IL1RAPL1: variants seen among roughly 807,000 people sequenced by gnomAD.
IL1RAPL1 encodes interleukin-1 receptor accessory protein-like 1.
Under a neutral mutation model 48.4 loss-of-function variants are expected in IL1RAPL1, and 3 were observed. That is an observed-to-expected ratio of 0.06 (90% confidence interval 0.03 to 0.16). The LOEUF is 0.16. Ranked by LOEUF, IL1RAPL1 falls within the 10% of genes least tolerant of loss-of-function variation. IL1RAPL1 has a pLI of 1.00. For missense variants in IL1RAPL1, 349 were observed against 530.6 expected, an observed-to-expected ratio of 0.66 and a Z score of 3.36; for synonymous variants, 185 against 187.7, an observed-to-expected ratio of 0.99 and a Z score of 0.12.
Position 29,306,987 on chromosome X carries a change from C to T in IL1RAPL1, c.362+23770C>T, listed in dbSNP as rs1221995688. 2.7e-5 allele frequency among the ~76,000 whole-genome samples: 3 copies of T among 109,211 alleles called. No individual in the cohort carries two copies. In the East Asian group the frequency reaches 8.6e-4, roughly 31 times the overall value. The allele number at this position is 109,211 out of a possible 115,157, so 94.8% of individuals were successfully genotyped here. A position where few individuals can be genotyped will look rare whatever the true frequency, so the allele number is the denominator to read the frequency against. ...AGATAATATTTAAACTGTGTTAAAA[C>T]ACAAAAGCCCTTTACCGTCTCTCCT... On this transcript the variant is annotated intron_variant, in intron 3 of 10. Coordinates refer to ENST00000378993, the MANE Select transcript of IL1RAPL1 (RefSeq NM_014271.4).
intron 2 of IL1RAPL1, among the ~76,000 whole-genome samples, chrX:28,937,637 G>C (rs1341183813): frequency 9.0e-6 from 1 of 111,065 alleles, no homozygotes; most frequent in Non-Finnish European, 1.9e-5. Flanking sequence ...AGGCTGAAAA[G>C]GACATTTTCC....
chrX:29,288,573 G>T (rs1874126022), intron 3 of IL1RAPL1, among the ~76,000 whole-genome samples: 1 of 111,855 alleles, frequency 8.9e-6, no homozygotes, highest in Non-Finnish European at 1.9e-5. Flanking sequence ...ATGGGCATTT[G>T]GGTTGATTGC....
At chrX:29,770,105 T>C (rs1323476113) in intron 6 of IL1RAPL1, among the ~76,000 whole-genome samples, 2 of 112,223 alleles carry the variant, frequency 1.8e-5, no homozygotes, top group African/African-American at 6.5e-5. Flanking sequence ...ATCTTGCTTT[T>C]CTATATGACT....
At chrX:28,972,138 AT>A (rs1322198796) in intron 2 of IL1RAPL1, among the ~76,000 whole-genome samples, 1 of 110,963 alleles carries the variant, frequency 9.0e-6, no homozygotes, top group Non-Finnish European at 1.9e-5. Context: ...TGGCTTCTCT[AT>A]TATTTTCCCG....
chrX:28,861,009 A>G (rs1209872713), intron 2 of IL1RAPL1, among the ~76,000 whole-genome samples: 1 of 111,498 alleles, frequency 9.0e-6, no homozygotes, highest in African/African-American at 3.3e-5. Context: ...GTAAATTTTT[A>G]TTTATTTAAT....
At chrX:29,630,172 G>T (rs889901490) in intron 5 of IL1RAPL1, among the ~76,000 whole-genome samples, 1 of 110,975 alleles carries the variant, frequency 9.0e-6, no homozygotes, top group African/African-American at 3.3e-5. Flanking sequence ...CATGGTGAAG[G>T]GAGAAGGGAT....
chrX:29,245,405 A>G (rs1375180657), intron 2 of IL1RAPL1, among the ~76,000 whole-genome samples: 2 of 111,456 alleles, frequency 1.8e-5, no homozygotes, highest in Non-Finnish European at 3.8e-5. Flanking sequence ...GTGTAAAAGC[A>G]TTCCTATTTC....
intron 1 of IL1RAPL1, among the ~76,000 whole-genome samples, chrX:28,605,931 C>A (rs1256074589): frequency 9.0e-6 from 1 of 110,725 alleles, no homozygotes; most frequent in African/African-American, 3.3e-5. Flanking sequence ...TTCCTCACTT[C>A]CATCATTTTT....
At chrX:28,988,089 G>C (rs1207398306) in intron 2 of IL1RAPL1, among the ~76,000 whole-genome samples, 2 of 111,331 alleles carry the variant, frequency 1.8e-5, no homozygotes, top group African/African-American at 6.5e-5. Flanking sequence ...TAAAGTTTTT[G>C]CATCACTTTA....
intron 2 of IL1RAPL1, among the ~76,000 whole-genome samples, chrX:28,953,292 A>G (rs1013230480): frequency 8.1e-5 from 9 of 111,648 alleles, no homozygotes; most frequent in African/African-American, 2.3e-4. Flanking sequence ...ATACCCAATC[A>G]TATTTTAATA....
intron 2 of IL1RAPL1, among the ~76,000 whole-genome samples, chrX:29,217,751 ATT>A (rs1286785356): frequency 1.8e-4 from 16 of 89,773 alleles, no homozygotes; most frequent in South Asian, 1.6e-3. Context: ...AAATTTATAC[ATT>A]TTTTCTCTCT....
intron 6 of IL1RAPL1, among the ~76,000 whole-genome samples, chrX:29,708,393 C>A (rs1375658767): frequency 9.0e-6 from 1 of 111,658 alleles, no homozygotes; most frequent in Non-Finnish European, 1.9e-5. Context: ...CCTCCTGCCC[C>A]CCTCTGCAGC....
intron 7 of IL1RAPL1, among the ~76,000 whole-genome samples, chrX:29,918,144 A>AAAAAAAAT (rs1555935868): frequency 4.2e-5 from 1 of 23,767 alleles, no homozygotes; most frequent in African/African-American, 2.4e-4. Flanking sequence ...AAAAAAAAAA[A>AAAAAAAAT]ATATATATAT....
chrX:29,131,839 G>A (rs1929028868), intron 2 of IL1RAPL1, among the ~76,000 whole-genome samples: 1 of 111,321 alleles, frequency 9.0e-6, no homozygotes, highest in Admixed American at 9.6e-5. Flanking sequence ...ACAGCATTGA[G>A]TTGTCCAATT....
chrX:29,313,271 G>A (rs761035656), intron 3 of IL1RAPL1, among the ~76,000 whole-genome samples: 4 of 82,147 alleles, frequency 4.9e-5, no homozygotes, highest in Non-Finnish European at 8.9e-5. Context: ...GTGTGTGTGT[G>A]TGTGTGTGTG....
At chrX:29,638,925 G>A (rs1016725697) in intron 5 of IL1RAPL1, among the ~76,000 whole-genome samples, 6 of 112,050 alleles carry the variant, frequency 5.4e-5, no homozygotes, top group African/African-American at 1.6e-4. Context: ...GGTGGCTCAC[G>A]CCTGTAATCC....
intron 1 of IL1RAPL1, among the ~76,000 whole-genome samples, chrX:28,645,927 A>C (rs867263170): frequency 2.2e-4 from 25 of 111,953 alleles, no homozygotes; most frequent in African/African-American, 6.8e-4. Context: ...AAAATATTGA[A>C]GCTCTTAAAG....
intron 5 of IL1RAPL1, among the ~76,000 whole-genome samples, chrX:29,594,357 A>G (rs916574658): frequency 1.8e-5 from 2 of 111,552 alleles, no homozygotes; most frequent in South Asian, 7.5e-4. Flanking sequence ...GATTGTGTGA[A>G]TGTATTGTGT....
At chrX:29,488,715 G>A (rs1295254513) in intron 5 of IL1RAPL1, among the ~76,000 whole-genome samples, 2 of 110,873 alleles carry the variant, frequency 1.8e-5, no homozygotes, top group African/African-American at 3.3e-5. Flanking sequence ...GAGAGGTGGT[G>A]CACATATAAC....
Sources: allele counts gnomAD v4.1 joint callset (sites outside exome capture counted in the v4.1 genomes callset), GRCh38; gene constraint gnomAD v4.1.1; transcripts MANE v1.5; gene names NCBI Gene and HGNC (gene_info 2026-07-23, HGNC 2026-07-21).